Variants in TMEM201 observed in about 807,000 individuals in gnomAD.
TMEM201 encodes the protein RP13-15M17.2.
TMEM201 carries 26 observed loss-of-function variants against 63.4 expected under a neutral mutation model. The observed-to-expected ratio is 0.41, with a 90% confidence interval of 0.30 to 0.57. The LOEUF (loss-of-function observed/expected upper bound fraction) is 0.57. TMEM201 is among the 20% of genes least tolerant of loss of function. The pLI is 0.29. For synonymous variants in TMEM201, 417 were observed against 421.6 expected, an observed-to-expected ratio of 0.99 and a Z score of 0.14; for missense variants, 794 against 917.7, an observed-to-expected ratio of 0.87 and a Z score of 1.74.
At position 9,608,517 on chromosome 1, in the gene TMEM201, T is replaced by G. The variant is rs1644278253; in HGVS notation, c.1393+728T>G. 6.6e-6 allele frequency among the ~76,000 whole-genome samples: 1 copy of G among 152,224 alleles called. No homozygotes were observed. Among genetic ancestry groups the G allele is most frequent in the Admixed American group, 6.5e-5 (1 of 15,278 alleles). ...GCCAAGGTTTATATTAGGATGCTTT[T>G]GCTTTTCCCCTAAGCAGAGATACCC... On this transcript the variant is annotated intron_variant, in intron 7 of 10. Coordinates refer to ENST00000340381, the MANE Select transcript of TMEM201 (RefSeq NM_001130924.3). This position sits in a 1 kb window ranked among gnomAD's most constrained non-coding sequence, Gnocchi z 4.3.
rs1353075837 is a variant in TMEM201, at chr1:9,596,961, T to A, written c.337T>A (p.Trp113Arg). 6.2e-7 allele frequency: 1 copy of A among 1,612,916 alleles called. No individual in the cohort carries two copies. The highest frequency in any genetic ancestry group is 8.5e-7 in the Non-Finnish European group (1 of 1,179,784). Residue 113 changes from tryptophan to arginine, a missense_variant, in exon 3 of 11, where the codon TGG (tryptophan) becomes AGG (arginine). Coordinates refer to ENST00000340381, the MANE Select transcript of TMEM201 (RefSeq NM_001130924.3). ...GCGCGACCCTTCGCAGCCGCAGCAG[T>A]GGGTGAGCAGCCAAGTCCTGCTGTG... Reference protein sequence around the residue: ...SLRDPSQPQQWVSSQVLLCKR... With the variant: ...SLRDPSQPQQRVSSQVLLCKR...
chr1:9,603,079 G>T lies in TMEM201; in HGVS notation c.1160+807G>T. On this transcript the variant is annotated intron_variant, in intron 6 of 10. Transcript: ENST00000340381. This position sits in a 1 kb window ranked among gnomAD's most constrained non-coding sequence, Gnocchi z 4.5. ...CTTTTCCAAGGGTAAGGGGCCCAGG[G>T]TATGCAGGCCTTCAGTGACATCAGG... 1.0e-6 allele frequency: 1 copy of T among 985,490 alleles called. No individual in the cohort carries two copies. The highest frequency in any genetic ancestry group is 1.2e-6 in the Non-Finnish European group (1 of 829,972). 61.0% of individuals were successfully genotyped at this position (985,490 alleles called of 1,614,324 possible).
intron 10 of TMEM201, 104 bp from the exon 11 acceptor site, chr1:9,612,882 C>A: frequency 1.6e-5 from 15 of 966,894 alleles, no homozygotes; most frequent in Middle Eastern, 2.1e-4. Flanking sequence ...GTACCCTGGG[C>A]AGAGCCTTGA....
At position 9,597,200 on chromosome 1, in the gene TMEM201, G is replaced by C. The variant is rs1374713642; in HGVS notation, c.429+147G>C. 7.3e-6 allele frequency: 7 copies of C among 955,944 alleles called. No homozygotes were observed. In the South Asian group the frequency reaches 1.2e-4, roughly 16 times the overall value. The allele number at this position is 955,944 out of a possible 1,614,324, so 59.2% of individuals were successfully genotyped here. On this transcript the variant is annotated intron_variant, in intron 3 of 10. Transcript: ENST00000340381. Reference sequence around the variant, plus strand: ...GCTTTTCTGTTCTGAGTGCCCAAAGGGGCCCCCTCATCCTTGCCACTGCCA... The same window carrying C: ...GCTTTTCTGTTCTGAGTGCCCAAAGCGGCCCCCTCATCCTTGCCACTGCCA...
In TMEM201 at chr1:9,598,550, C is replaced by T. The variant is rs200919003; in HGVS notation, c.531C>T (p.His177=). 7.4e-6 allele frequency: 12 copies of T among 1,613,722 alleles called. No individual in the cohort carries two copies. In the South Asian group the frequency reaches 7.7e-5, roughly 10 times the overall value. ...CQAAVEYYIK[H]QNRQLRALLL... is the part of the protein sequence containing the mutation. The stretch of plus-strand genomic sequence containing the variant: ...CGGCTGTGGAGTACTACATCAAGCA[C>T]CAGAACCGCCAGCTGCGCGCCCTGT... The change falls in exon 4 of 11, where the codon CAC becomes CAT. Residue 177 remains histidine (H), a synonymous_variant. Coordinates refer to ENST00000340381, the MANE Select transcript of TMEM201 (RefSeq NM_001130924.3).
chr1:9,609,847 C>A lies in TMEM201; in HGVS notation c.1401C>A (p.Gly467=). The change falls in exon 8 of 11, where the codon GGC becomes GGA. Residue 467 remains glycine, a synonymous_variant. Coordinates refer to ENST00000340381, the MANE Select transcript of TMEM201 (RefSeq NM_001130924.3). ...GCTTCTCTCTGTCTCCAGACTCCGGCTATCTGTTCAGCGGTAGCCGCCCAC... is the reference window on the plus strand; with the variant it reads ...GCTTCTCTCTGTCTCCAGACTCCGGATATCTGTTCAGCGGTAGCCGCCCAC... ...TIPSLTRADS[G]YLFSGSRPPS... 1 of 1,551,418 alleles carries A rather than the reference C, an allele frequency of 6.4e-7. No individual in the cohort carries two copies. Among genetic ancestry groups the A allele is most frequent in the Non-Finnish European group, 8.7e-7 (1 of 1,146,952 alleles).
chr1:9,604,418 G>A lies in TMEM201; in HGVS notation c.1160+2146G>A. ...TTGTGTGACTTTTTAAATTATTCATGTGTCCCTTAAAAGTTTCACTACGTG... is the reference window on the plus strand; with the variant it reads ...TTGTGTGACTTTTTAAATTATTCATATGTCCCTTAAAAGTTTCACTACGTG... On this transcript the variant is annotated intron_variant, in intron 6 of 10. Coordinates refer to ENST00000340381, the MANE Select transcript of TMEM201 (RefSeq NM_001130924.3). This position sits in a 1 kb window ranked among gnomAD's most constrained non-coding sequence, Gnocchi z 4.1. 1 of 985,378 alleles carries A rather than the reference G, an allele frequency of 1.0e-6. No homozygotes were observed. Among genetic ancestry groups the A allele is most frequent in the Non-Finnish European group, 1.2e-6 (1 of 829,918 alleles). 61.0% of individuals were successfully genotyped at this position (985,378 alleles called of 1,614,324 possible).
At chr1:9,612,868 G>A in intron 10 of TMEM201, 118 bp from the exon 11 acceptor site, 2 of 851,786 alleles carry the variant, frequency 2.3e-6, no homozygotes, top group Admixed American at 4.5e-5. Context: ...ACCAGTCTCA[G>A]AGAGTACCCT....
chr1:9,597,963 G>T (rs933144768), intron 3 of TMEM201, among the ~76,000 whole-genome samples: 4 of 152,162 alleles, frequency 2.6e-5, no homozygotes, highest in Non-Finnish European at 5.9e-5. Flanking sequence ...TGTCTTCTGG[G>T]CTATTTCAGA....
Position 9,594,910 on chromosome 1 carries a change from C to T in TMEM201, c.114-980C>T, listed in dbSNP as rs549242481. ...GCCTCAGGATGAAAGGCCAGAGGGC[C>T]GTGCTCTCTGGTCCTGTGGACGGGG... On this transcript the variant is annotated intron_variant, in intron 1 of 10. Transcript: ENST00000340381. 2.6e-5 allele frequency among the ~76,000 whole-genome samples: 4 copies of T among 152,350 alleles called. No homozygotes were observed. In the South Asian group the frequency reaches 6.2e-4, roughly 24 times the overall value.
At chr1:9,596,791 A>C in intron 2 of TMEM201, 68 bp from the exon 3 acceptor site, 1 of 1,503,454 alleles carries the variant, frequency 6.7e-7, no homozygotes, top group South Asian at 1.3e-5. Context: ...GCGGGCCCCC[A>C]GGGACATCAC....
intron 1 of TMEM201, among the ~76,000 whole-genome samples, chr1:9,594,524 G>A (rs538833469): frequency 1.1e-4 from 17 of 152,334 alleles, no homozygotes; most frequent in Admixed American, 1.1e-3. Context: ...TGCGTCCCAC[G>A]AGCAGTCCCT....
chr1:9,602,850 G>A, intron 6 of TMEM201: 1 of 985,818 alleles, frequency 1.0e-6, no homozygotes, highest in Non-Finnish European at 1.2e-6. Flanking sequence ...GGCTGGACCG[G>A]CCCTGCAGGA....
rs1644192423 is a variant in TMEM201, at chr1:9,603,779, A to C, written c.1160+1507A>C. 1.5e-5 allele frequency: 15 copies of C among 985,272 alleles called. No homozygotes were observed. The highest frequency in any genetic ancestry group is 1.7e-5 in the Non-Finnish European group (14 of 829,944). 61.0% of individuals were successfully genotyped at this position (985,272 alleles called of 1,614,324 possible). A position where few individuals can be genotyped will look rare whatever the true frequency, so the allele number is the denominator to read the frequency against. On this transcript the variant is annotated intron_variant, in intron 6 of 10. Transcript: ENST00000340381. The surrounding 1 kb of genome is among the most constrained non-coding windows in gnomAD (Gnocchi z 4.5). ...TCCCACCCAGCTTCACAAGTGAGGA[A>C]CCCAGGTGCATCGGGAGACCCTCGG...
chr1:9,610,813 C>A lies in TMEM201; in HGVS notation c.1765+8C>A. The A allele has an allele frequency of 6.5e-7, 1 of 1,531,554 alleles. No individual in the cohort carries two copies. The highest frequency in any genetic ancestry group is 8.8e-7 in the Non-Finnish European group (1 of 1,134,856). 94.9% of individuals were successfully genotyped at this position (1,531,554 alleles called of 1,614,324 possible). A position where few individuals can be genotyped will look rare whatever the true frequency, so the allele number is the denominator to read the frequency against. On this transcript the variant is annotated splice_region_variant and intron_variant, in intron 9 of 10. Transcript: ENST00000340381. This position sits in a 1 kb window ranked among gnomAD's most constrained non-coding sequence, Gnocchi z 4.9. ...ACGTGAAGCACGCCCTGGGTACGGC[C>A]TTCTGACCACCCCAAGGGGCCGTGG...
chr1:9,589,285 G>A (rs1249241339), intron 1 of TMEM201, among the ~76,000 whole-genome samples: 1 of 151,810 alleles, frequency 6.6e-6, no homozygotes, highest in Non-Finnish European at 1.5e-5. Flanking sequence ...CGCCGCGCGG[G>A]GGCCACAAAC....
chr1:9,609,199 C>G (rs1644287414), intron 7 of TMEM201, among the ~76,000 whole-genome samples: 1 of 152,212 alleles, frequency 6.6e-6, no homozygotes, highest in Non-Finnish European at 1.5e-5. Context: ...CTTATCCAGC[C>G]TATCCCCTGG....
intron 2 of TMEM201, among the ~76,000 whole-genome samples, chr1:9,596,549 T>C (rs1202084058): frequency 2.6e-5 from 4 of 152,158 alleles, no homozygotes; most frequent in Non-Finnish European, 5.9e-5. Flanking sequence ...GACCAGGGTT[T>C]GCAGACTGAG....
chr1:9,611,899 C>T lies in TMEM201; in HGVS notation c.1903+9C>T, dbSNP rs1039558091. 8 of 1,537,896 alleles carry T rather than the reference C, an allele frequency of 5.2e-6. No homozygotes were observed. The highest frequency in any genetic ancestry group is 1.4e-5 in the African/African-American group (1 of 72,372). ...GGCCGCCACCTGGAGAGGTCTGTAC[C>T]CTGAGGTGCGGGAGGGGAGGGGGTG... On this transcript the variant is annotated intron_variant, in intron 10 of 10. Coordinates refer to ENST00000340381, the MANE Select transcript of TMEM201 (RefSeq NM_001130924.3).
Sources: gnomAD v4.1 joint callset for allele counts (sites outside exome capture counted in the v4.1 genomes callset) on GRCh38, gnomAD v4.1.1 for gene constraint, Gnocchi (gnomAD v3.1) non-coding constraint, MANE v1.5 for transcripts, NCBI Gene and HGNC (gene_info 2026-07-23, HGNC 2026-07-21) for gene names.